DUSP22: variants seen among roughly 807,000 people sequenced by gnomAD.
The protein encoded by DUSP22 is dual specificity phosphatase 22, also known as dual specificity protein phosphatase 22.
In DUSP22, 24 loss-of-function variants were observed where a neutral mutation model predicts 24.5. The ratio of observed to expected loss-of-function variants is 0.98; its 90% CI spans 0.71 to 1.38. The LOEUF (loss-of-function observed/expected upper bound fraction) is 1.38. Ranked by LOEUF, DUSP22 falls within the 40% of genes most tolerant of loss-of-function variation. The pLI, the probability that DUSP22 is intolerant of heterozygous loss-of-function variation, is 0.00. For synonymous variants in DUSP22, 160 were observed against 106.4 expected (o/e 1.50, Z -3.10); for missense variants, 330 against 269.2 (o/e 1.23, Z -1.58).
At chr6:326,929 C>G (rs1348030665) in intron 3 of DUSP22, among the ~76,000 whole-genome samples, 4 of 152,310 alleles carry the variant, frequency 2.6e-5, no homozygotes, top group Non-Finnish European at 5.9e-5. Context: ...ATCAGAATGA[C>G]TTTGTGCAAT....
Position 350,498 on chromosome 6 carries a change from G to A in DUSP22, c.*1547G>A. Reference sequence around the variant, plus strand: ...TGAATAAGAAGAGCAGTTTTCCTGTGCATATAGAGGGTGTGTCAAAGGTGA... The same window carrying A: ...TGAATAAGAAGAGCAGTTTTCCTGTACATATAGAGGGTGTGTCAAAGGTGA... On this transcript the variant is annotated 3_prime_UTR_variant, in exon 7 of 7. Coordinates refer to ENST00000419235, the MANE Select transcript of DUSP22 (RefSeq NM_001286555.3). 4 of 1,251,142 alleles carry A rather than the reference G, an allele frequency of 3.2e-6. No individual in the cohort carries two copies. In the South Asian group the frequency reaches 5.7e-5, roughly 18 times the overall value. 77.5% of individuals were successfully genotyped at this position (1,251,142 alleles called of 1,614,324 possible). A position where few individuals can be genotyped will look rare whatever the true frequency, so the allele number is the denominator to read the frequency against.
chr6:327,464 A>G (rs973125767), intron 3 of DUSP22, among the ~76,000 whole-genome samples: 1 of 152,310 alleles, frequency 6.6e-6, no homozygotes, highest in East Asian at 1.9e-4. Flanking sequence ...CTGAAATGGC[A>G]TGTCCCTCCT....
At chr6:337,638 G>C (rs1310046840) in intron 4 of DUSP22, among the ~76,000 whole-genome samples, 1 of 152,304 alleles carries the variant, frequency 6.6e-6, no homozygotes, top group African/African-American at 2.4e-5. Flanking sequence ...TTTAAAATAC[G>C]TATAGATTTA....
chr6:335,661 A>G (rs1184198569), intron 4 of DUSP22, among the ~76,000 whole-genome samples: 3 of 152,308 alleles, frequency 2.0e-5, no homozygotes, highest in African/African-American at 7.2e-5. Context: ...TTTGATATGT[A>G]CTCAATATAA....
chr6:292,680 C>A lies in DUSP22; in HGVS notation c.21+120C>A, dbSNP rs1328350709. The A allele has an allele frequency of 2.2e-6, 3 of 1,368,902 alleles. No individual in the cohort carries two copies. In the South Asian group the frequency reaches 4.4e-5, roughly 20 times the overall value. The allele number at this position is 1,368,902 out of a possible 1,614,324, so 84.8% of individuals were successfully genotyped here. On this transcript the variant is annotated intron_variant, in intron 1 of 6. Coordinates refer to ENST00000419235, the MANE Select transcript of DUSP22 (RefSeq NM_001286555.3). The stretch of plus-strand genomic sequence containing the variant: ...CCCTTTCCCGCGGTGGGGACGGGCG[C>A]GGAGGGAGGGGCGGCGCGCCTGGGC...
chr6:323,705 A>G (rs1758713647), intron 3 of DUSP22, among the ~76,000 whole-genome samples: 1 of 152,310 alleles, frequency 6.6e-6, no homozygotes, highest in South Asian at 2.1e-4. Flanking sequence ...TGAACAGAGC[A>G]GAGCTCAGAC....
chr6:293,935 CA>C lies in DUSP22; in HGVS notation c.21+1376del, dbSNP rs1319095139. On this transcript the variant is annotated intron_variant, in intron 1 of 6. Transcript: ENST00000419235. ...GAGCCTTCTGCTTTTTAAATTAAAA[CA>C]GAACAATAAAGATGGTCATCATAAG... 2.0e-5 allele frequency among the ~76,000 whole-genome samples: 3 copies of C among 151,162 alleles called. No individual in the cohort carries two copies. The Admixed American group carries it at 2.0e-4, about 10-fold the overall frequency.
At chr6:324,393 T>TG (rs1357451690) in intron 3 of DUSP22, among the ~76,000 whole-genome samples, 4 of 152,290 alleles carry the variant, frequency 2.6e-5, no homozygotes, top group African/African-American at 9.6e-5. Context: ...CACCCACACC[T>TG]GCTGCCGCGA....
chr6:292,692 C>T (rs1757144243), intron 1 of DUSP22, 132 bp downstream of exon 1: 19 of 1,317,160 alleles, frequency 1.4e-5, no homozygotes, highest in Non-Finnish European at 1.9e-5. Context: ...GAGGGAGGGG[C>T]GGCGCGCCTG....
intron 1 of DUSP22, among the ~76,000 whole-genome samples, chr6:304,239 G>A (rs992455837): frequency 2.4e-4 from 37 of 152,296 alleles, no homozygotes; most frequent in African/African-American, 3.9e-4. Context: ...TGAGGTGGGC[G>A]GGAGTGTAAC....
chr6:350,772 C>T lies in DUSP22; in HGVS notation c.*1821C>T, dbSNP rs777641099. 1 of 1,614,122 alleles carries T rather than the reference C, an allele frequency of 6.2e-7. No homozygotes were observed. The highest frequency in any genetic ancestry group is 8.5e-7 in the Non-Finnish European group (1 of 1,179,966). On this transcript the variant is annotated 3_prime_UTR_variant, in exon 7 of 7. Transcript: ENST00000419235. ...AACCTCTCAGTGTATTCTTGGAGTT[C>T]TTGAAATGTTGTTTTAATATTTGTT... is the stretch of plus-strand genomic sequence containing the variant.
At chr6:292,647 C>A in intron 1 of DUSP22, 87 bp downstream of exon 1, 2 of 1,509,930 alleles carry the variant, frequency 1.3e-6, no homozygotes, top group African/African-American at 2.8e-5. Context: ...CGACTCGAGC[C>A]CGGGGTGCCC....
intron 5 of DUSP22, among the ~76,000 whole-genome samples, chr6:347,887 C>T (rs570437758): frequency 4.5e-3 from 679 of 152,192 alleles, no homozygotes; most frequent in Non-Finnish European, 7.8e-3. Flanking sequence ...GCTCAAACAG[C>T]AGAAGAAAGC....
intron 3 of DUSP22, among the ~76,000 whole-genome samples, chr6:322,828 G>C (rs1442155984): frequency 2.5e-5 from 2 of 81,626 alleles, no homozygotes; most frequent in African/African-American, 8.9e-5. Context: ...ATGGCTGCTT[G>C]GTGGGGCGGG....
intron 3 of DUSP22, among the ~76,000 whole-genome samples, chr6:316,908 T>G (rs1758361687): frequency 6.6e-6 from 1 of 152,312 alleles, no homozygotes; most frequent in South Asian, 2.1e-4. Context: ...GGGTATTGTA[T>G]GTATATACCA....
chr6:340,588 C>T (rs1046705913), intron 4 of DUSP22, among the ~76,000 whole-genome samples: 1 of 152,302 alleles, frequency 6.6e-6, no homozygotes. Context: ...ATATAGATTT[C>T]TTATATATAA....
chr6:304,556 A>G, intron 1 of DUSP22, 72 bp from the exon 2 acceptor site: 12 of 1,606,778 alleles, frequency 7.5e-6, no homozygotes, highest in South Asian at 1.1e-5. Flanking sequence ...CTGCTGCTGG[A>G]TGAGGCCCCC....
intron 2 of DUSP22, among the ~76,000 whole-genome samples, chr6:305,221 C>G (rs1467485294): frequency 3.3e-5 from 5 of 152,298 alleles, no homozygotes; most frequent in Non-Finnish European, 7.3e-5. Flanking sequence ...GGGAGTGGCC[C>G]CCACTTGCAC....
At chr6:331,136 G>C (rs1360497238) in intron 3 of DUSP22, among the ~76,000 whole-genome samples, 7 of 152,306 alleles carry the variant, frequency 4.6e-5, no homozygotes, top group African/African-American at 1.7e-4. Context: ...TTGTATTTCA[G>C]TGTACTCGAG....
Sources: gnomAD v4.1 joint callset for allele counts (sites outside exome capture counted in the v4.1 genomes callset) on GRCh38, gnomAD v4.1.1 for gene constraint, MANE v1.5 for transcripts, NCBI Gene and HGNC (gene_info 2026-07-23, HGNC 2026-07-21) for gene names.